Variants in FSHR observed in about 807,000 individuals in gnomAD.
FSHR encodes follicle stimulating hormone receptor, also known as follicle-stimulating hormone receptor.
In FSHR, 46 loss-of-function variants were observed where a neutral mutation model predicts 52.1. That is an observed-to-expected ratio of 0.88 (90% confidence interval 0.70 to 1.13). FSHR has a LOEUF of 1.13. Ranked by LOEUF, FSHR falls within the 50% of genes most tolerant of loss-of-function variation. The pLI is 0.00. For missense variants in FSHR, 964 were observed against 834.6 expected (o/e 1.16, Z -1.91); for synonymous variants, 399 against 309.6 (o/e 1.29, Z -3.03).
chr2:49,072,727 A>G (rs575246525), intron 1 of FSHR, among the ~76,000 whole-genome samples: 5 of 152,270 alleles, frequency 3.3e-5, no homozygotes, highest in African/African-American at 1.2e-4. Flanking sequence ...CTTTGAGTTT[A>G]TTGGTAACAT....
At chr2:49,009,489 A>G (rs62165288) in intron 4 of FSHR, among the ~76,000 whole-genome samples, 7,942 of 139,706 alleles carry the variant, frequency 0.057, 297 homozygotes, top group Middle Eastern at 0.1. Flanking sequence ...CTTTTGGCTT[A>G]GGATTGACTT....
At chr2:49,121,657 T>C (rs2103781191) in intron 1 of FSHR, among the ~76,000 whole-genome samples, 1 of 152,368 alleles carries the variant, frequency 6.6e-6, no homozygotes, top group Non-Finnish European at 1.5e-5. Context: ...TCATTCTGGA[T>C]ACCTTGGTGC....
At chr2:48,973,047 G>A (rs1034140520) in intron 8 of FSHR, among the ~76,000 whole-genome samples, 1 of 152,124 alleles carries the variant, frequency 6.6e-6, no homozygotes, top group East Asian at 1.9e-4. Flanking sequence ...GATGTCTTCG[G>A]ATAAAAGAAT....
At chr2:48,964,392 G>A (rs567075375) in intron 9 of FSHR, among the ~76,000 whole-genome samples, 4 of 152,116 alleles carry the variant, frequency 2.6e-5, no homozygotes, top group Non-Finnish European at 4.4e-5. Flanking sequence ...CAGACTGTTC[G>A]CTGACTCAAA....
At chr2:49,103,376 G>A (rs774465531) in intron 1 of FSHR, among the ~76,000 whole-genome samples, 5 of 152,158 alleles carry the variant, frequency 3.3e-5, no homozygotes, top group Non-Finnish European at 7.4e-5. Flanking sequence ...TCACAACACA[G>A]TCAGTCATAA....
chr2:49,095,388 T>C (rs1670784415), intron 1 of FSHR, among the ~76,000 whole-genome samples: 1 of 152,102 alleles, frequency 6.6e-6, no homozygotes, highest in African/African-American at 2.4e-5. Context: ...GAATAGTCTT[T>C]TGAATAAATG....
chr2:49,029,092 AT>A (rs1668011175), intron 2 of FSHR, among the ~76,000 whole-genome samples: 1 of 152,216 alleles, frequency 6.6e-6, no homozygotes, highest in Non-Finnish European at 1.5e-5. Context: ...TTATTGATGG[AT>A]TAATTAGTAT....
chr2:49,013,121 T>C (rs1300948667), intron 4 of FSHR, among the ~76,000 whole-genome samples: 5 of 148,114 alleles, frequency 3.4e-5, no homozygotes, highest in Non-Finnish European at 6.0e-5. Flanking sequence ...TTCTCTATCT[T>C]CCCCCCCCAC....
At chr2:49,049,494 A>G (rs1449032188) in intron 2 of FSHR, among the ~76,000 whole-genome samples, 1 of 152,088 alleles carries the variant, frequency 6.6e-6, no homozygotes, top group Non-Finnish European at 1.5e-5. Context: ...GAATGCTTGG[A>G]GTATCAAATG....
chr2:49,055,761 A>G (rs1389031489), intron 2 of FSHR, among the ~76,000 whole-genome samples: 1 of 152,002 alleles, frequency 6.6e-6, no homozygotes, highest in Non-Finnish European at 1.5e-5. Context: ...ATATATTCAA[A>G]GTACTAAAAG....
At chr2:48,980,073 G>C (rs570628024) in intron 8 of FSHR, among the ~76,000 whole-genome samples, 1 of 152,288 alleles carries the variant, frequency 6.6e-6, no homozygotes, top group South Asian at 2.1e-4. Flanking sequence ...CAGGTCAGCA[G>C]GGGGAGAGGC....
In FSHR at chr2:49,127,828, TCC is replaced by T. The variant is rs749036103; in HGVS notation, c.152+26436_152+26437del. ...TTCTTCTTCTTCTTCTTCTTCTTCT[TCC>T]TCTTCTTCTTCTTCTTCTTCTTCTT... On this transcript the variant is annotated intron_variant, in intron 1 of 9. Transcript: ENST00000406846. 3.1e-3 allele frequency among the ~76,000 whole-genome samples: 169 copies of T among 54,894 alleles called. 3 individuals carry two copies. Among genetic ancestry groups the T allele is most frequent in the African/African-American group, 5.7e-3 (69 of 12,012 alleles). The allele number at this position is 54,894 out of a possible 152,430, so 36.0% of individuals were successfully genotyped here.
At chr2:49,144,993 G>A (rs1430760924) in intron 1 of FSHR, among the ~76,000 whole-genome samples, 1 of 151,988 alleles carries the variant, frequency 6.6e-6, no homozygotes, top group Non-Finnish European at 1.5e-5. Flanking sequence ...ATTTTTGGAG[G>A]GCTATGGCCT....
At chr2:49,113,158 G>T (rs1232017834) in intron 1 of FSHR, among the ~76,000 whole-genome samples, 3 of 152,126 alleles carry the variant, frequency 2.0e-5, no homozygotes, top group African/African-American at 4.8e-5. Flanking sequence ...GACTACCAGT[G>T]ACCTTGAGCA....
intron 8 of FSHR, among the ~76,000 whole-genome samples, chr2:48,981,540 G>A (rs1356165454): frequency 1.3e-5 from 2 of 152,062 alleles, no homozygotes; most frequent in African/African-American, 4.8e-5. Flanking sequence ...TTAATCACAC[G>A]GATACTCCAT....
chr2:49,094,469 A>C (rs1319541947), intron 1 of FSHR, among the ~76,000 whole-genome samples: 2 of 151,986 alleles, frequency 1.3e-5, no homozygotes, highest in Non-Finnish European at 2.9e-5. Flanking sequence ...TTTTTGTAAA[A>C]TTTTTCTTCA....
intron 2 of FSHR, among the ~76,000 whole-genome samples, chr2:49,023,755 T>G (rs1193977757): frequency 6.6e-6 from 1 of 152,104 alleles, no homozygotes; most frequent in Admixed American, 6.6e-5. Flanking sequence ...ACTGAGTGTC[T>G]GACTGGGGAT....
chr2:49,018,905 T>C (rs1260099640), intron 3 of FSHR, among the ~76,000 whole-genome samples: 2 of 152,198 alleles, frequency 1.3e-5, no homozygotes, highest in African/African-American at 4.8e-5. Context: ...TGGCAAATGA[T>C]AAAAATAAAT....
At chr2:49,119,283 G>T (rs1042771139) in intron 1 of FSHR, among the ~76,000 whole-genome samples, 1 of 152,148 alleles carries the variant, frequency 6.6e-6, no homozygotes, top group East Asian at 1.9e-4. Context: ...GTGCTTGTGA[G>T]TGTGGGCAAA....
Sources: allele counts gnomAD v4.1 joint callset (sites outside exome capture counted in the v4.1 genomes callset), GRCh38; gene constraint gnomAD v4.1.1; transcripts MANE v1.5; gene names NCBI Gene and HGNC (gene_info 2026-07-23, HGNC 2026-07-21).